The following INPP5D variants were observed in gnomAD, a reference collection of about 807,000 sequenced individuals.
INPP5D encodes the protein inositol polyphosphate-5-phosphatase D.
Under a neutral mutation model 122.9 loss-of-function variants are expected in INPP5D, and 33 were observed. The observed-to-expected ratio is 0.27, with a 90% CI of 0.20 to 0.36. The LOEUF (loss-of-function observed/expected upper bound fraction) is 0.36, where lower values mean the gene tolerates loss of function less well. Among genes scored for constraint, INPP5D ranks in the 10% least tolerant of loss-of-function variants. The probability of loss-of-function intolerance (pLI) is 1.00; values close to 1 mark genes in which losing one functional copy is unlikely to be tolerated. For missense variants in INPP5D, 1,053 were observed against 1,412.7 expected (o/e 0.75, Z 4.08); for synonymous variants, 584 against 576.2 (o/e 1.01, Z -0.19).
At chr2:233,068,783 C>T (rs1393474196) in intron 1 of INPP5D, among the ~76,000 whole-genome samples, 1 of 152,136 alleles carries the variant, frequency 6.6e-6, no homozygotes, top group African/African-American at 2.4e-5. Context: ...CACTTGAGGC[C>T]TCCTTGGAGG....
At position 233,177,867 on chromosome 2, in the gene INPP5D, G is replaced by A. The variant is rs767299992; in HGVS notation, c.2071+521G>A. The stretch of plus-strand genomic sequence containing the variant: ...TGAGATTACAGGCATGAGCCACCGC[G>A]GCCGACCCGGAGCACTTTTTTAAAA... On this transcript the variant is annotated intron_variant, in intron 18 of 26. Coordinates refer to ENST00000445964, the MANE Select transcript of INPP5D (RefSeq NM_001017915.3). This position sits in a 1 kb window ranked among gnomAD's most constrained non-coding sequence, Gnocchi z 4.2. 3.3e-5 allele frequency among the ~76,000 whole-genome samples: 5 copies of A among 152,116 alleles called. No individual in the cohort carries two copies. The highest frequency in any genetic ancestry group is 7.2e-5 in the African/African-American group (3 of 41,410).
In INPP5D at chr2:233,105,938, G is replaced by A. The variant is rs924971816; in HGVS notation, c.199-16169G>A. On this transcript the variant is annotated intron_variant, in intron 2 of 26. Coordinates refer to ENST00000445964, the MANE Select transcript of INPP5D (RefSeq NM_001017915.3). This position sits in a 1 kb window ranked among gnomAD's most constrained non-coding sequence, Gnocchi z 4.0. ...GCCACTGGGAGGTCAGAGAGCAGTC[G>A]CTATGGGAATGAGCATGTGGAACTT... Among the ~76,000 whole-genome samples, 2 of 152,200 alleles carry A rather than the reference G, an allele frequency of 1.3e-5. No homozygotes were observed. Among genetic ancestry groups the A allele is most frequent in the African/African-American group, 4.8e-5 (2 of 41,450 alleles).
chr2:233,080,729 C>T (rs1020371123), intron 2 of INPP5D, among the ~76,000 whole-genome samples: 4 of 152,140 alleles, frequency 2.6e-5, no homozygotes, highest in African/African-American at 9.7e-5. Flanking sequence ...GAGCTGGACT[C>T]AAGGTGTGGG....
rs563392878 is a variant in INPP5D at position 233,108,052 on chromosome 2, A to G, written c.199-14055A>G. On this transcript the variant is annotated intron_variant, in intron 2 of 26. Coordinates refer to ENST00000445964, the MANE Select transcript of INPP5D (RefSeq NM_001017915.3). Reference sequence around the variant, plus strand: ...GCCAGTTTCCCCCCTCCCACCTCTCAGTCCACCATAGCCCCAGGGGGCGGA... The same window carrying G: ...GCCAGTTTCCCCCCTCCCACCTCTCGGTCCACCATAGCCCCAGGGGGCGGA... Among the ~76,000 whole-genome samples, 3 of 152,154 alleles carry G rather than the reference A, an allele frequency of 2.0e-5. No individual in the cohort carries two copies. The East Asian group carries it at 5.8e-4, about 29-fold the overall frequency.
intron 17 of INPP5D, among the ~76,000 whole-genome samples, chr2:233,176,906 T>C (rs568400250): frequency 6.6e-6 from 1 of 152,008 alleles, no homozygotes; most frequent in African/African-American, 2.4e-5. Context: ...AAGTGTGTTA[T>C]TAAAGTAAGT....
rs139528547 is a variant in INPP5D, at chr2:233,197,597, C to T, written c.2694-498C>T. On this transcript the variant is annotated intron_variant, in intron 24 of 26. Transcript: ENST00000445964. The surrounding 1 kb of genome is among the most constrained non-coding windows in gnomAD (Gnocchi z 4.4). ...TCTCACCTGGAGGCCTTTGCATGTACTCTTGCCACTGCCGAGAACAGTCTC... is the reference window on the plus strand; with the variant it reads ...TCTCACCTGGAGGCCTTTGCATGTATTCTTGCCACTGCCGAGAACAGTCTC... 3.2e-3 allele frequency among the ~76,000 whole-genome samples: 484 copies of T among 152,302 alleles called. 4 individuals are homozygous for T. The highest frequency in any genetic ancestry group is 0.011 in the African/African-American group (469 of 41,572).
Position 233,164,339 on chromosome 2 carries a change from C to T in INPP5D, c.1470C>T (p.Ile490=), listed in dbSNP as rs201454690. Residue 490 remains isoleucine (I), a synonymous_variant, in exon 13 of 27, where the codon ATC becomes ATT. Transcript: ENST00000445964. The surrounding 1 kb of genome is among the most constrained non-coding windows in gnomAD (Gnocchi z 4.3). ...TCCACACGCTCTGGAACATCCGCAT[C>T]GTGGTGCTGGCCAAGCCTGAGCACG... is the stretch of plus-strand genomic sequence containing the variant. The part of the protein sequence containing the change: ...VAIHTLWNIR[I]VVLAKPEHEN... The T allele has an allele frequency of 1.3e-5, 20 of 1,551,988 alleles. No homozygotes were observed. The highest frequency in any genetic ancestry group is 2.0e-5 in the Admixed American group (1 of 50,990).
intron 17 of INPP5D, among the ~76,000 whole-genome samples, chr2:233,171,663 A>G (rs80106733): frequency 6.6e-6 from 1 of 152,322 alleles, no homozygotes; most frequent in Middle Eastern, 3.4e-3. Context: ...AAGATGCAAT[A>G]AAATATGTAT....
intron 2 of INPP5D, among the ~76,000 whole-genome samples, chr2:233,086,124 T>TCTTTCTTTCTTTCTTC (rs1359763071): frequency 4.2e-5 from 3 of 71,312 alleles, no homozygotes; most frequent in Non-Finnish European, 2.5e-5. Context: ...ATAGCCTCTT[T>TCTTTCTTTCTTTCTTC]CTTTCTTTCT....
chr2:233,147,006 A>G (rs1320361426), intron 8 of INPP5D, among the ~76,000 whole-genome samples: 2 of 152,174 alleles, frequency 1.3e-5, no homozygotes, highest in South Asian at 2.1e-4. Context: ...TCCTCTATTA[A>G]GATAAATTTC....
At chr2:233,192,785 C>T (rs1286778629) in intron 22 of INPP5D, among the ~76,000 whole-genome samples, 1 of 152,146 alleles carries the variant, frequency 6.6e-6, no homozygotes, top group South Asian at 2.1e-4. Context: ...CCATGTTTGC[C>T]GGATCAGAGG....
chr2:233,099,678 C>T (rs1216010076), intron 2 of INPP5D, among the ~76,000 whole-genome samples: 1 of 152,188 alleles, frequency 6.6e-6, no homozygotes, highest in Admixed American at 6.5e-5. Context: ...CAGTTACAAG[C>T]ATTTTTAAAA....
At chr2:233,110,568 T>C (rs1692596289) in intron 2 of INPP5D, among the ~76,000 whole-genome samples, 1 of 152,166 alleles carries the variant, frequency 6.6e-6, no homozygotes, top group African/African-American at 2.4e-5. Context: ...TCGTACCAAT[T>C]ACATGAGCTA....
chr2:233,076,258 T>C (rs1396874466), intron 1 of INPP5D: 2 of 152,168 alleles, frequency 1.3e-5, no homozygotes, highest in Non-Finnish European at 2.9e-5. Context: ...CACAGCAGAG[T>C]TGAGCTATCT....
intron 1 of INPP5D, among the ~76,000 whole-genome samples, chr2:233,066,265 C>T (rs2106196625): frequency 6.6e-6 from 1 of 152,322 alleles, no homozygotes; most frequent in South Asian, 2.1e-4. Flanking sequence ...CACATCAGCA[C>T]CTCTCAATCA....
rs551722111 is a variant in INPP5D at position 233,066,116 on chromosome 2, C to T, written c.134+5504C>T. Among the ~76,000 whole-genome samples, 15 of 152,216 alleles carry T rather than the reference C, an allele frequency of 9.9e-5. No homozygotes were observed. The South Asian group carries it at 2.1e-3, about 21-fold the overall frequency. On this transcript the variant is annotated intron_variant, in intron 1 of 26. Transcript: ENST00000445964. ...GGTATTCCAGGTGCAAGTCACCAAG[C>T]CTGGCTAATCTTTTTTATGTAGAGA...
At chr2:233,171,245 T>C in intron 17 of INPP5D, 93 bp downstream of exon 17, 9 of 1,492,452 alleles carry the variant, frequency 6.0e-6, no homozygotes, top group Non-Finnish European at 8.0e-6. Flanking sequence ...CTTCATCCAT[T>C]AGGCAAAAAA....
At chr2:233,153,126 G>A (rs888190601) in intron 9 of INPP5D, among the ~76,000 whole-genome samples, 3 of 152,226 alleles carry the variant, frequency 2.0e-5, no homozygotes, top group Non-Finnish European at 4.4e-5. Context: ...TTCACTGGGC[G>A]TGGGGAAGGT....
intron 5 of INPP5D, among the ~76,000 whole-genome samples, chr2:233,136,473 C>T (rs1240944617): frequency 5.7e-5 from 4 of 69,746 alleles, no homozygotes; most frequent in East Asian, 8.6e-4. Context: ...AGCGAGACCG[C>T]GTTTAAAAAA....
Sources: allele counts gnomAD v4.1 joint callset (sites outside exome capture counted in the v4.1 genomes callset), GRCh38; gene constraint gnomAD v4.1.1; non-coding constraint Gnocchi (gnomAD v3.1); transcripts MANE v1.5; gene names NCBI Gene and HGNC (gene_info 2026-07-23, HGNC 2026-07-21).